ADARB2: variants seen among roughly 807,000 people sequenced by gnomAD.
ADARB2 encodes inactive double-stranded RNA-specific editase B2.
ADARB2 carries 25 observed loss-of-function variants against 62.2 expected under a neutral mutation model. The ratio of observed to expected loss-of-function variants is 0.40; its 90% CI spans 0.29 to 0.56. The LOEUF is 0.56. Ranked by LOEUF, ADARB2 falls within the 20% of genes least tolerant of loss-of-function variation. The pLI is 0.43. For missense variants in ADARB2, 1,071 were observed against 1,077.4 expected, an observed-to-expected ratio of 0.99 and a Z score of 0.08; for synonymous variants, 572 against 500.8, an observed-to-expected ratio of 1.14 and a Z score of -1.90.
At chr10:1,464,303 A>G (rs79911309) in intron 1 of ADARB2, among the ~76,000 whole-genome samples, 1,186 of 30,686 alleles carry the variant, frequency 0.039, 46 homozygotes, top group Middle Eastern at 0.091. Context: ...CAGTCACAGC[A>G]GGCAGCGCGC....
intron 1 of ADARB2, among the ~76,000 whole-genome samples, chr10:1,730,771 C>G (rs78618891): frequency 0.015 from 2,230 of 152,148 alleles, 44 homozygotes; most frequent in African/African-American, 0.04. Flanking sequence ...GCTATGTTTT[C>G]AGATTAAAAA....
chr10:1,485,948 A>G (rs1185373487), intron 1 of ADARB2, among the ~76,000 whole-genome samples: 1 of 152,226 alleles, frequency 6.6e-6, no homozygotes, highest in Non-Finnish European at 1.5e-5. Context: ...TCATCATTGG[A>G]TTCCAGCAAT....
intron 1 of ADARB2, chr10:1,394,780 C>T: frequency 2.2e-6 from 1 of 454,074 alleles, no homozygotes; most frequent in African/African-American, 2.0e-5. Context: ...TCTGCAAAGA[C>T]CTGGTAGGAG....
intron 1 of ADARB2, among the ~76,000 whole-genome samples, chr10:1,462,805 A>G (rs571095038): frequency 6.6e-6 from 1 of 151,546 alleles, no homozygotes; most frequent in African/African-American, 2.4e-5. Flanking sequence ...GTGTATGTAC[A>G]TGTGTGTGTC....
At chr10:1,344,039 C>T (rs1439721875) in intron 3 of ADARB2, among the ~76,000 whole-genome samples, 1 of 152,154 alleles carries the variant, frequency 6.6e-6, no homozygotes, top group Non-Finnish European at 1.5e-5. Flanking sequence ...GTTAAAAAAA[C>T]TCAGGTTGTG....
At chr10:1,649,104 G>C (rs948345529) in intron 1 of ADARB2, among the ~76,000 whole-genome samples, 14 of 152,228 alleles carry the variant, frequency 9.2e-5, no homozygotes, top group African/African-American at 2.7e-4. Context: ...GGGGTGCACA[G>C]GCACGGACCT....
At chr10:1,603,257 C>G (rs2132016144) in intron 1 of ADARB2, among the ~76,000 whole-genome samples, 2 of 152,298 alleles carry the variant, frequency 1.3e-5, no homozygotes, top group Middle Eastern at 6.8e-3. Context: ...TAGGCAGCAC[C>G]CCCGGATGAC....
intron 3 of ADARB2, among the ~76,000 whole-genome samples, chr10:1,338,543 C>T (rs188383038): frequency 8.5e-5 from 13 of 152,234 alleles, no homozygotes; most frequent in African/African-American, 1.4e-4. Context: ...TTTAGAATGA[C>T]GCAGGGTTTT....
chr10:1,382,184 T>C (rs570914762), intron 1 of ADARB2, among the ~76,000 whole-genome samples: 1 of 152,300 alleles, frequency 6.6e-6, no homozygotes, highest in Admixed American at 6.5e-5. Context: ...CAAAATCAAA[T>C]GTAACTGGGC....
intron 1 of ADARB2, among the ~76,000 whole-genome samples, chr10:1,624,586 G>A (rs192289279): frequency 2.0e-5 from 3 of 152,308 alleles, no homozygotes; most frequent in African/African-American, 7.2e-5. Flanking sequence ...ACGAGGTTAT[G>A]ACAATTTCCC....
rs1305849508 is a variant in ADARB2 at position 1,510,130 on chromosome 10, TTC to T, written c.101-130972_101-130971del. ...TTTCTCTCTTTCTTTCTTTCTTTCTTTCTTTCTTTCTTTCTTTCTTTCTTTCT... is the reference window on the plus strand; with the variant it reads ...TTTCTCTCTTTCTTTCTTTCTTTCTTTTTCTTTCTTTCTTTCTTTCTTTCT... On this transcript the variant is annotated intron_variant, in intron 1 of 9. Coordinates refer to ENST00000381312, the MANE Select transcript of ADARB2 (RefSeq NM_018702.4). Among the ~76,000 whole-genome samples the T allele has an allele frequency of 1.7e-3, 232 of 135,532 alleles. 4 individuals are homozygous for T. The highest frequency in any genetic ancestry group is 2.8e-3 in the Non-Finnish European group (182 of 64,308). 88.9% of individuals were successfully genotyped at this position (135,532 alleles called of 152,430 possible).
intron 3 of ADARB2, among the ~76,000 whole-genome samples, chr10:1,275,219 G>A (rs1054151766): frequency 1.3e-5 from 2 of 152,380 alleles, no homozygotes; most frequent in African/African-American, 2.4e-5. Context: ...GATGCCAGGT[G>A]GAGAGTGATG....
intron 1 of ADARB2, among the ~76,000 whole-genome samples, chr10:1,678,793 C>T (rs547664769): frequency 6.6e-6 from 1 of 152,008 alleles, no homozygotes; most frequent in African/African-American, 2.4e-5. Context: ...GTTCCAACAC[C>T]GAGAAGCTGC....
At chr10:1,303,951 A>C (rs1831600464) in intron 3 of ADARB2, among the ~76,000 whole-genome samples, 1 of 152,214 alleles carries the variant, frequency 6.6e-6, no homozygotes, top group Non-Finnish European at 1.5e-5. Context: ...TGAGACTAGG[A>C]AGAAACTGCA....
chr10:1,199,039 A>G (rs1279466442), intron 8 of ADARB2, among the ~76,000 whole-genome samples: 1 of 152,240 alleles, frequency 6.6e-6, no homozygotes, highest in Non-Finnish European at 1.5e-5. Context: ...CTTGGCAAAC[A>G]GGTGAAAATC....
chr10:1,247,770 G>C (rs1046263512), intron 4 of ADARB2, among the ~76,000 whole-genome samples: 1 of 152,190 alleles, frequency 6.6e-6, no homozygotes, highest in South Asian at 2.1e-4. Flanking sequence ...CCACCATGGC[G>C]GGACCACAGG....
At chr10:1,487,085 C>T (rs758774138) in intron 1 of ADARB2, among the ~76,000 whole-genome samples, 15 of 152,362 alleles carry the variant, frequency 9.8e-5, no homozygotes, top group Middle Eastern at 3.4e-3. Context: ...ATCAGCTGCA[C>T]GCGTGGGTGC....
At chr10:1,473,843 A>T (rs552960126) in intron 1 of ADARB2, among the ~76,000 whole-genome samples, 6 of 152,218 alleles carry the variant, frequency 3.9e-5, no homozygotes, top group African/African-American at 1.4e-4. Flanking sequence ...GTTCACCAGG[A>T]TGGAAAGTGT....
intron 1 of ADARB2, among the ~76,000 whole-genome samples, chr10:1,547,839 G>A (rs958336130): frequency 6.6e-6 from 1 of 152,012 alleles, no homozygotes; most frequent in African/African-American, 2.4e-5. Context: ...GGGGGAGATA[G>A]GCATTGGTTT....
Sources: allele counts gnomAD v4.1 joint callset (sites outside exome capture counted in the v4.1 genomes callset), GRCh38; gene constraint gnomAD v4.1.1; transcripts MANE v1.5; gene names NCBI Gene and HGNC (gene_info 2026-07-23, HGNC 2026-07-21).